The following CD84 variants were observed in gnomAD, a reference collection of about 807,000 sequenced individuals.
The protein encoded by CD84 is SLAM family member 5.
Under a neutral mutation model 33.8 loss-of-function variants are expected in CD84, and 22 were observed. The ratio of observed to expected loss-of-function variants is 0.65; its 90% CI spans 0.46 to 0.93. CD84 has a LOEUF of 0.93. Among genes scored for constraint, CD84 ranks in the 40% least tolerant of loss-of-function variants. The pLI is 0.00. For synonymous variants in CD84, 154 were observed against 145.2 expected (o/e 1.06, Z -0.44); for missense variants, 400 against 397.6 (o/e 1.01, Z -0.05).
At chr1:160,558,346 G>A (rs1222735435) in intron 2 of CD84, among the ~76,000 whole-genome samples, 1 of 152,112 alleles carries the variant, frequency 6.6e-6, no homozygotes. Context: ...GAAAAACTGA[G>A]GCAATTAGGG....
At chr1:160,577,785 A>G (rs1157698186) in intron 1 of CD84, among the ~76,000 whole-genome samples, 2 of 152,202 alleles carry the variant, frequency 1.3e-5, no homozygotes, top group Non-Finnish European at 2.9e-5. Flanking sequence ...GATTCTCAAA[A>G]CAATTCTACT....
chr1:160,556,157 A>C (rs1379548035), intron 2 of CD84, among the ~76,000 whole-genome samples: 1 of 152,154 alleles, frequency 6.6e-6, no homozygotes, highest in Non-Finnish European at 1.5e-5. Context: ...AGTGGTAAAG[A>C]AGAGGATCCC....
chr1:160,575,016 C>A (rs1285739033), intron 1 of CD84, among the ~76,000 whole-genome samples: 1 of 152,106 alleles, frequency 6.6e-6, no homozygotes, highest in Non-Finnish European at 1.5e-5. Context: ...CAGCAAGTAG[C>A]TATTAATAAG....
chr1:160,557,679 C>A (rs867720575), intron 2 of CD84, among the ~76,000 whole-genome samples: 3 of 152,204 alleles, frequency 2.0e-5, no homozygotes, highest in African/African-American at 7.2e-5. Context: ...AAAGTCAAAA[C>A]AAGCAGGTAA....
At chr1:160,556,977 C>A (rs1427969787) in intron 2 of CD84, among the ~76,000 whole-genome samples, 1 of 152,064 alleles carries the variant, frequency 6.6e-6, no homozygotes, top group African/African-American at 2.4e-5. Context: ...ATTATTCAAG[C>A]CTAGTTCAGA....
chr1:160,566,486 A>T (rs1182159752), intron 1 of CD84, among the ~76,000 whole-genome samples: 1 of 152,202 alleles, frequency 6.6e-6, no homozygotes, highest in Non-Finnish European at 1.5e-5. Context: ...GCATGTATTT[A>T]TTCAGGATCA....
intron 5 of CD84, 86 bp downstream of exon 5, chr1:160,550,852 C>T (rs972483174): frequency 6.3e-7 from 1 of 1,592,054 alleles, no homozygotes; most frequent in South Asian, 1.1e-5. Flanking sequence ...GCTTTCTAGA[C>T]AACAACAAGC....
At chr1:160,554,916 A>C (rs1002954685) in intron 2 of CD84, among the ~76,000 whole-genome samples, 2 of 151,958 alleles carry the variant, frequency 1.3e-5, no homozygotes, top group African/African-American at 4.8e-5. Flanking sequence ...TAGAATTTAC[A>C]ATAAAGACTA....
chr1:160,547,952 C>A lies in CD84; in HGVS notation c.*304G>T, dbSNP rs1333178228. ...AGTGAGCAATCTTGCTTGTTTATCC[C>A]AGTGTGCCATAAAAATATTATTTTC... On this transcript the variant is annotated 3_prime_UTR_variant, in exon 7 of 7. Transcript: ENST00000368054. 5.3e-6 allele frequency: 2 copies of A among 380,398 alleles called. No individual in the cohort carries two copies. Among genetic ancestry groups the A allele is most frequent in the Non-Finnish European group, 9.9e-6 (2 of 201,340 alleles). 23.6% of individuals were successfully genotyped at this position (380,398 alleles called of 1,614,324 possible).
In CD84 at chr1:160,565,424, C is replaced by T. The variant is rs747688543; in HGVS notation, c.368G>A (p.Arg123His). 3.7e-6 allele frequency: 6 copies of T among 1,604,516 alleles called. No individual in the cohort carries two copies. Among genetic ancestry groups the T allele is most frequent in the South Asian group, 1.1e-5 (1 of 89,538 alleles). Residue 123 changes from arginine (R) to histidine (H), a missense_variant, in exon 2 of 7, where the codon CGC (arginine) becomes CAC (histidine). Transcript: ENST00000368054. ...TQADPYTTTK[R>H]YNLQIYRRLG... The stretch of plus-strand genomic sequence containing the variant: ...CTTACGATAGATTTGCAGGTTGTAG[C>T]GCTTGGTGGTGGTGTAGGGATCAGC...
chr1:160,551,001 G>A lies in CD84; in HGVS notation c.795C>T (p.Ile265=). The change falls in exon 5 of 7, where the codon ATC becomes ATT. Residue 265 remains isoleucine, a synonymous_variant. Transcript: ENST00000368054. The part of the protein sequence containing the change: ...AASKKTIYTY[I]MASRNTQPAE... ...CTGGCTGGGTGTTCCTTGAAGCCAT[G>A]ATATATGTGTATATGGTTTTCTTTG... is the stretch of plus-strand genomic sequence containing the variant. The A allele has an allele frequency of 6.2e-7, 1 of 1,613,966 alleles. No individual in the cohort carries two copies. The highest frequency in any genetic ancestry group is 1.3e-5 in the African/African-American group (1 of 75,032).
chr1:160,570,623 G>A (rs1229611531), intron 1 of CD84, among the ~76,000 whole-genome samples: 1 of 152,192 alleles, frequency 6.6e-6, no homozygotes, highest in Non-Finnish European at 1.5e-5. Context: ...CACTTTGGGA[G>A]GCCAAGGCAG....
intron 1 of CD84, among the ~76,000 whole-genome samples, chr1:160,569,349 A>G (rs1657536261): frequency 6.6e-6 from 1 of 152,214 alleles, no homozygotes; most frequent in African/African-American, 2.4e-5. Context: ...AAGGGACTCT[A>G]ACATTATGTT....
intron 6 of CD84, among the ~76,000 whole-genome samples, 189 bp downstream of exon 6, chr1:160,549,728 G>T (rs963346806): frequency 2.0e-5 from 3 of 152,146 alleles, no homozygotes; most frequent in African/African-American, 7.2e-5. Context: ...CTCGTGGATG[G>T]CCATTGACCT....
chr1:160,553,483 A>AAT lies in CD84; in HGVS notation c.654_655insAT (p.Phe219IlefsTer10). The AAT allele has an allele frequency of 6.2e-7, 1 of 1,614,174 alleles. No homozygotes were observed. The highest frequency in any genetic ancestry group is 8.5e-7 in the Non-Finnish European group (1 of 1,180,018). On this transcript the variant is annotated frameshift_variant, in exon 4 of 7. Transcript: ENST00000368054. LOFTEE classifies it high-confidence loss of function. ...AGCAACCCGGTGTGGTGAGTACGGA[A>AAT]GCCCATTGCGATGTCTGGAAATAGA...
chr1:160,544,897 T>C lies in CD84; in HGVS notation c.*3359A>G, dbSNP rs915869595. On this transcript the variant is annotated 3_prime_UTR_variant, in exon 7 of 7. Transcript: ENST00000368054. ...GGCTCTGTCTCTGAGACTTCCATTT[T>C]GATGCACATTTTTAAAAACTGGCAC... 4.6e-5 allele frequency: 7 copies of C among 152,268 alleles called. No homozygotes were observed. The highest frequency in any genetic ancestry group is 1.0e-4 in the Non-Finnish European group (7 of 68,070). The allele number at this position is 152,268 out of a possible 1,614,324, so 9.4% of individuals were successfully genotyped here.
intron 1 of CD84, among the ~76,000 whole-genome samples, chr1:160,565,957 A>C (rs1657300521): frequency 6.6e-6 from 1 of 152,104 alleles, no homozygotes; most frequent in African/African-American, 2.4e-5. Context: ...TTCAAAAACT[A>C]AGTTTCTCAC....
At chr1:160,551,541 T>C (rs1315739165) in intron 4 of CD84, 6 of 163,064 alleles carry the variant, frequency 3.7e-5, no homozygotes, top group African/African-American at 4.8e-5. Flanking sequence ...ATTCACAGTC[T>C]GTTTTTGTTT....
Position 160,553,376 on chromosome 1 carries a change from AC to A in CD84, c.760+1del. 1 of 1,614,152 alleles carries A rather than the reference AC, an allele frequency of 6.2e-7. No homozygotes were observed. Among genetic ancestry groups the A allele is most frequent in the Non-Finnish European group, 8.5e-7 (1 of 1,180,028 alleles). On this transcript the variant is annotated splice_donor_variant, in intron 4 of 6. Coordinates refer to ENST00000368054, the MANE Select transcript of CD84 (RefSeq NM_003874.4). LOFTEE classifies it high-confidence loss of function. ...ACATTTTACCTTCTGGGAAAATCCT[AC>A]CTTGTCTTCTCTTGAACAAACGGAA...
Sources: gnomAD v4.1 joint callset for allele counts (sites outside exome capture counted in the v4.1 genomes callset) on GRCh38, gnomAD v4.1.1 for gene constraint, MANE v1.5 for transcripts, NCBI Gene and HGNC (gene_info 2026-07-23, HGNC 2026-07-21) for gene names.